Variants in KLF7 observed in about 807,000 individuals in gnomAD.
KLF7 encodes the protein Krueppel-like factor 7.
KLF7 carries 2 observed loss-of-function variants against 27.3 expected under a neutral mutation model. The observed-to-expected ratio is 0.07, with a 90% CI of 0.03 to 0.23. KLF7 has a LOEUF of 0.23. Among genes scored for constraint, KLF7 ranks in the 10% least tolerant of loss-of-function variants. The probability of loss-of-function intolerance (pLI) is 1.00; values close to 1 mark genes in which losing one functional copy is unlikely to be tolerated. For synonymous variants in KLF7, 165 were observed against 162.4 expected, an observed-to-expected ratio of 1.02 and a Z score of -0.12; for missense variants, 221 against 394.1, an observed-to-expected ratio of 0.56 and a Z score of 3.72.
chr2:207,112,281 CACT>C (rs2077058542), intron 2 of KLF7, among the ~76,000 whole-genome samples: 1 of 151,936 alleles, frequency 6.6e-6, no homozygotes, highest in Admixed American at 6.5e-5. Flanking sequence ...GCAATTTGAG[CACT>C]ACTAACGGCT....
At chr2:207,156,350 C>T (rs1224544601) in intron 1 of KLF7, among the ~76,000 whole-genome samples, 1 of 152,218 alleles carries the variant, frequency 6.6e-6, no homozygotes, top group East Asian at 1.9e-4. Flanking sequence ...TTTATTTTTG[C>T]TCCTCTTACT....
chr2:207,106,959 A>T (rs1028489095), intron 2 of KLF7, among the ~76,000 whole-genome samples: 1 of 152,158 alleles, frequency 6.6e-6, no homozygotes, highest in Non-Finnish European at 1.5e-5. Context: ...GTCACTTATA[A>T]GCTGGGCATG....
rs1158462865 is a variant in KLF7 at position 207,115,289 on chromosome 2, T to C, written c.733+8485A>G. Reference sequence around the variant, plus strand: ...TTCTGATCTTTCCTCCCCTACAAGATTATGGGGTCCAATCCCGGGTCAGTC... The same window carrying C: ...TTCTGATCTTTCCTCCCCTACAAGACTATGGGGTCCAATCCCGGGTCAGTC... On this transcript the variant is annotated intron_variant, in intron 2 of 3. Transcript: ENST00000309446. 4.6e-5 allele frequency among the ~76,000 whole-genome samples: 7 copies of C among 152,158 alleles called. No homozygotes were observed. In the East Asian group the frequency reaches 1.4e-3, roughly 29 times the overall value.
rs1166832190 is a variant in KLF7, at chr2:207,077,602, G to A, written c.*3611C>T. 1 of 152,180 alleles carries A rather than the reference G, an allele frequency of 6.6e-6. No homozygotes were observed. The highest frequency in any genetic ancestry group is 1.5e-5 in the Non-Finnish European group (1 of 68,034). 9.4% of individuals were successfully genotyped at this position (152,180 alleles called of 1,614,324 possible). On this transcript the variant is annotated 3_prime_UTR_variant, in exon 4 of 4. Transcript: ENST00000309446. ...GGGTCTCCAATATTTTTACAAAAAT[G>A]CAGCTTTGTCATGGAATCTGAACAT...
intron 2 of KLF7, among the ~76,000 whole-genome samples, chr2:207,106,853 C>G (rs1216353277): frequency 6.6e-6 from 1 of 152,134 alleles, no homozygotes; most frequent in African/African-American, 2.4e-5. Flanking sequence ...GGGGTCTGCT[C>G]CACTGTCCCT....
intron 1 of KLF7, 116 bp from the exon 2 acceptor site, chr2:207,124,520 C>T (rs751762000): frequency 8.5e-5 from 85 of 1,000,268 alleles, no homozygotes; most frequent in Non-Finnish European, 1.1e-4. Flanking sequence ...TGGCTTGTAT[C>T]AGAAATGCCT....
At chr2:207,145,773 C>T (rs1241087187) in intron 1 of KLF7, among the ~76,000 whole-genome samples, 1 of 152,120 alleles carries the variant, frequency 6.6e-6, no homozygotes, top group Non-Finnish European at 1.5e-5. Flanking sequence ...TCCACAAGAG[C>T]ATGGGCAATG....
At position 207,081,250 on chromosome 2, in the gene KLF7, G is replaced by C; in HGVS notation, c.872C>G (p.Ser291Cys). The change falls in exon 4 of 4, where the codon TCT (serine) becomes TGT (cysteine). Residue 291 changes from serine to cysteine, a missense_variant. By Grantham distance (112) the Ser-to-Cys change is moderately radical. This residue lies in a region of KLF7 where 30 missense variants were observed against 115.4 expected (regional missense o/e 0.26). Coordinates refer to ENST00000309446, the MANE Select transcript of KLF7 (RefSeq NM_003709.4). ...CTTCATGTGGAGGGCAAGATGGTCA[G>C]ACCTGGAAAAACACCTAGGAGATAT... is the stretch of plus-strand genomic sequence containing the variant. ...CNHCDRCFSR[S>C]DHLALHMKRH... 1 of 1,613,984 alleles carries C rather than the reference G, an allele frequency of 6.2e-7. No individual in the cohort carries two copies. The highest frequency in any genetic ancestry group is 8.5e-7 in the Non-Finnish European group (1 of 1,179,894).
chr2:207,124,217 A>G lies in KLF7; in HGVS notation c.290T>C (p.Ile97Thr). The G allele has an allele frequency of 6.2e-7, 1 of 1,614,100 alleles. No homozygotes were observed. The highest frequency in any genetic ancestry group is 2.2e-5 in the East Asian group (1 of 44,858). ...AICEKSSAVD[I>T]LLSRDKLLSE... ...TAGCAACTTGTCCCGAGAGAGCAAG[A>G]TGTCCACTGCCGAGCTCTTCTCACA... Residue 97 changes from isoleucine to threonine, a missense_variant, in exon 2 of 4, where the codon ATC becomes ACC. Coordinates refer to ENST00000309446, the MANE Select transcript of KLF7 (RefSeq NM_003709.4).
chr2:207,166,670 G>A (rs1297423541), upstream of KLF7: 1 of 402,918 alleles, frequency 2.5e-6, no homozygotes, highest in Non-Finnish European at 3.4e-6. Context: ...GGCGCGGAGC[G>A]GGAAGGAAGG....
At chr2:207,081,823 C>T (rs189886805) in intron 3 of KLF7, among the ~76,000 whole-genome samples, 1 of 140,882 alleles carries the variant, frequency 7.1e-6, no homozygotes, top group East Asian at 2.1e-4. Context: ...ATACTACTTA[C>T]AGGCTTATCA....
intron 1 of KLF7, among the ~76,000 whole-genome samples, chr2:207,134,445 C>G (rs1276899528): frequency 6.6e-6 from 1 of 152,130 alleles, no homozygotes; most frequent in Admixed American, 6.5e-5. Context: ...GCTTTCAAAA[C>G]GGAGAGCTTT....
chr2:207,144,023 G>C (rs941895797), intron 1 of KLF7, among the ~76,000 whole-genome samples: 8 of 152,118 alleles, frequency 5.3e-5, no homozygotes, highest in African/African-American at 1.9e-4. Context: ...GGGAGGGGCA[G>C]GCTGGCTCCA....
chr2:207,109,406 C>T (rs1054343730), intron 2 of KLF7, among the ~76,000 whole-genome samples: 1 of 152,154 alleles, frequency 6.6e-6, no homozygotes, highest in African/African-American at 2.4e-5. Flanking sequence ...AAAGAAATAA[C>T]TGATCTCTAA....
chr2:207,167,072 C>G (rs2037893), upstream of KLF7: 859,003 of 1,316,438 alleles, frequency 0.65, 285,298 homozygotes, highest in East Asian at 0.91. Context: ...TAGAGGGAGC[C>G]TAGGTAGACG....
At chr2:207,151,759 T>G (rs2078253824) in intron 1 of KLF7, among the ~76,000 whole-genome samples, 1 of 150,014 alleles carries the variant, frequency 6.7e-6, no homozygotes, top group Non-Finnish European at 1.5e-5. Flanking sequence ...CACAAAATAG[T>G]AATAATCTTG....
chr2:207,158,363 GT>G (rs3838565), intron 1 of KLF7, among the ~76,000 whole-genome samples: 36,778 of 152,128 alleles, frequency 0.24, 5,209 homozygotes, highest in Middle Eastern at 0.32. Flanking sequence ...CAGAGGTTGA[GT>G]TTCTTCACTA....
At position 207,088,553 on chromosome 2, in the gene KLF7, C is replaced by T; in HGVS notation, c.762G>A (p.Glu254=). 8 of 1,614,076 alleles carry T rather than the reference C, an allele frequency of 5.0e-6. No homozygotes were observed. Among genetic ancestry groups the T allele is most frequent in the Non-Finnish European group, 5.1e-6 (6 of 1,179,968 alleles). The change falls in exon 3 of 4, where the codon GAG becomes GAA. Residue 254 remains glutamate, a synonymous_variant. Transcript: ENST00000309446. ...TGEKPYKCSW[E]GCEWRFARSD... is the part of the protein sequence containing the mutation. ...TTCGTGCAAAACGCCACTCACATCC[C>T]TCCCATGAGCACTTATAAGGCTTCT...
At chr2:207,124,698 C>T (rs574650276) in intron 1 of KLF7, among the ~76,000 whole-genome samples, 2 of 152,184 alleles carry the variant, frequency 1.3e-5, no homozygotes, top group South Asian at 2.1e-4. Flanking sequence ...TCTCTTGCCC[C>T]TCAATCCAAT....
Sources: allele counts gnomAD v4.1 joint callset (sites outside exome capture counted in the v4.1 genomes callset), GRCh38; gene constraint gnomAD v4.1.1; regional missense constraint gnomAD v4.1.1; transcripts MANE v1.5; gene names NCBI Gene and HGNC (gene_info 2026-07-23, HGNC 2026-07-21).